The following SYNDIG1L variants were observed in gnomAD, a reference collection of about 807,000 sequenced individuals.
SYNDIG1L encodes synapse differentiation inducing 1 like.
SYNDIG1L carries 13 observed loss-of-function variants against 20.1 expected under a neutral mutation model. The ratio of observed to expected loss-of-function variants is 0.65; its 90% confidence interval spans 0.42 to 1.03. The LOEUF (loss-of-function observed/expected upper bound fraction) is 1.03, where lower values mean the gene tolerates loss of function less well. Among genes scored for constraint, SYNDIG1L ranks in the 50% least tolerant of loss-of-function variants. The pLI, the probability that SYNDIG1L is intolerant of heterozygous loss-of-function variation, is 0.00. For synonymous variants in SYNDIG1L, 128 were observed against 129.3 expected, an observed-to-expected ratio of 0.99 and a Z score of 0.07; for missense variants, 294 against 305.1, an observed-to-expected ratio of 0.96 and a Z score of 0.27.
At chr14:74,439,679 G>A in the SYNDIG1L span, among the ~76,000 whole-genome samples, 10 of 151,872 alleles carry the variant, frequency 6.6e-5, no homozygotes, top group Non-Finnish European at 8.8e-5. Flanking sequence ...TCGGGAGTTC[G>A]AGACCAGCCT....
In SYNDIG1L at chr14:74,407,435, A is replaced by C; in HGVS notation, c.*100T>G. ...CCCCTCAGCAAGCCACTCTCACGGG[A>C]TCATCTTCAGGGGCCGGGCCTTTCC... On this transcript the variant is annotated 3_prime_UTR_variant, in exon 4 of 4. Transcript: ENST00000331628. The C allele has an allele frequency of 5.9e-6, 9 of 1,516,784 alleles. No homozygotes were observed. The highest frequency in any genetic ancestry group is 1.4e-5 in the African/African-American group (1 of 73,274). The allele number at this position is 1,516,784 out of a possible 1,614,324, so 94.0% of individuals were successfully genotyped here.
the SYNDIG1L span, among the ~76,000 whole-genome samples, chr14:74,471,739 A>G: frequency 6.6e-6 from 1 of 152,172 alleles, no homozygotes; most frequent in African/African-American, 2.4e-5. Context: ...GCACTATAGG[A>G]ATGGTGGGTG....
chr14:74,415,666 G>C (rs559350192), intron 1 of SYNDIG1L, among the ~76,000 whole-genome samples: 1 of 152,092 alleles, frequency 6.6e-6, no homozygotes, highest in South Asian at 2.1e-4. Context: ...CAACCTCCCA[G>C]GTAGCTGGGA....
At chr14:74,473,147 C>T in the SYNDIG1L span, among the ~76,000 whole-genome samples, 5 of 151,996 alleles carry the variant, frequency 3.3e-5, no homozygotes, top group Non-Finnish European at 7.4e-5. Flanking sequence ...TTTGGGAGCC[C>T]GAGGCGGGTG....
intron 2 of SYNDIG1L, 95 bp downstream of exon 2, chr14:74,409,233 C>A (rs1248955064): frequency 8.4e-6 from 8 of 951,956 alleles, no homozygotes; most frequent in Non-Finnish European, 1.2e-5. Context: ...CACATGCCAC[C>A]ACGCCAGGCT....
At chr14:74,461,357 C>T in the SYNDIG1L span, among the ~76,000 whole-genome samples, 3 of 152,208 alleles carry the variant, frequency 2.0e-5, no homozygotes, top group Non-Finnish European at 4.4e-5. Flanking sequence ...CCCAACATCT[C>T]CCTCCATATT....
chr14:74,408,129 T>A, intron 2 of SYNDIG1L, 140 bp from the exon 3 acceptor site: 1 of 1,049,158 alleles, frequency 9.5e-7, no homozygotes, highest in Non-Finnish European at 1.3e-6. Flanking sequence ...GGTGGGGATG[T>A]AGGCTGGCCT....
At chr14:74,446,969 A>G in the SYNDIG1L span, among the ~76,000 whole-genome samples, 1 of 152,128 alleles carries the variant, frequency 6.6e-6, no homozygotes, top group Admixed American at 6.6e-5. Context: ...GGCTGGGCAC[A>G]GTGGCTCACG....
At chr14:74,472,650 T>C in the SYNDIG1L span, among the ~76,000 whole-genome samples, 2 of 152,194 alleles carry the variant, frequency 1.3e-5, no homozygotes, top group Non-Finnish European at 2.9e-5. Flanking sequence ...TATGAAAATG[T>C]ATAGCAAGGT....
intron 1 of SYNDIG1L, among the ~76,000 whole-genome samples, chr14:74,410,257 A>C (rs1440519650): frequency 6.6e-6 from 1 of 152,208 alleles, no homozygotes; most frequent in Non-Finnish European, 1.5e-5. Flanking sequence ...GCTGACACAG[A>C]GACCCAGGGA....
Position 74,426,095 on chromosome 14 carries a change from C to G in SYNDIG1L, c.-241G>C, listed in dbSNP as rs1310527189. On this transcript the variant is annotated 5_prime_UTR_variant, in exon 1 of 4. Transcript: ENST00000331628. ...GCGGACAGCTCCCGCCCGCAGCCCGCCGCCGCCGCCCGCCCCGCCCCGCGC... is the reference window on the plus strand; with the variant it reads ...GCGGACAGCTCCCGCCCGCAGCCCGGCGCCGCCGCCCGCCCCGCCCCGCGC... 4.0e-5 allele frequency: 6 copies of G among 149,048 alleles called. No individual in the cohort carries two copies. The highest frequency in any genetic ancestry group is 1.5e-4 in the African/African-American group (6 of 40,988). The allele number at this position is 149,048 out of a possible 1,614,324, so 9.2% of individuals were successfully genotyped here. A position where few individuals can be genotyped will look rare whatever the true frequency, so the allele number is the denominator to read the frequency against.
intron 1 of SYNDIG1L, among the ~76,000 whole-genome samples, chr14:74,416,802 G>T (rs2086179516): frequency 6.6e-6 from 1 of 152,214 alleles, no homozygotes; most frequent in Non-Finnish European, 1.5e-5. Flanking sequence ...TTCTTACTGT[G>T]CTCCAGACAC....
chr14:74,419,730 G>GT (rs1469427963), intron 1 of SYNDIG1L, among the ~76,000 whole-genome samples: 1 of 152,190 alleles, frequency 6.6e-6, no homozygotes, highest in African/African-American at 2.4e-5. Context: ...GAAGGTGATG[G>GT]TGAGAACTAG....
intron 1 of SYNDIG1L, among the ~76,000 whole-genome samples, chr14:74,421,057 C>T (rs560796828): frequency 6.6e-6 from 1 of 152,024 alleles, no homozygotes. Context: ...ACAAATAGAA[C>T]AAATGACCCA....
At chr14:74,432,566 AAGG>A in the SYNDIG1L span, among the ~76,000 whole-genome samples, 1 of 152,182 alleles carries the variant, frequency 6.6e-6, no homozygotes, top group South Asian at 2.1e-4. Context: ...ATAGAGGTAG[AAGG>A]AGAAGGTTAG....
upstream of SYNDIG1L, among the ~76,000 whole-genome samples, chr14:74,427,191 G>A (rs911528403): frequency 2.0e-5 from 3 of 147,990 alleles, no homozygotes; most frequent in Non-Finnish European, 3.0e-5. Flanking sequence ...TTCTTCGAGC[G>A]CCTTCACAAG....
At chr14:74,469,414 A>C in the SYNDIG1L span, among the ~76,000 whole-genome samples, 1 of 151,612 alleles carries the variant, frequency 6.6e-6, no homozygotes, top group African/African-American at 2.4e-5. Flanking sequence ...AGAAATACCT[A>C]ATGTAAATGA....
intron 2 of SYNDIG1L, 75 bp downstream of exon 2, chr14:74,409,253 T>A (rs571951625): frequency 6.8e-6 from 4 of 588,470 alleles, no homozygotes; most frequent in Middle Eastern, 3.9e-4. Context: ...TAATTTTCAA[T>A]TTTTTTTTTT....
chr14:74,467,272 T>C, the SYNDIG1L span, among the ~76,000 whole-genome samples: 1 of 152,168 alleles, frequency 6.6e-6, no homozygotes, highest in East Asian at 1.9e-4. Flanking sequence ...CAGCCTATTA[T>C]TTCCTTTCAG....
Sources: gnomAD v4.1 joint callset for allele counts (sites outside exome capture counted in the v4.1 genomes callset) on GRCh38, gnomAD v4.1.1 for gene constraint, MANE v1.5 for transcripts, NCBI Gene and HGNC (gene_info 2026-07-23, HGNC 2026-07-21) for gene names.